The following SGCD variants were observed in gnomAD, a reference collection of about 807,000 sequenced individuals.
SGCD encodes sarcoglycan delta, also known as delta-sarcoglycan.
In SGCD, 18 loss-of-function variants were observed where a neutral mutation model predicts 36.6. The observed-to-expected ratio is 0.49, with a 90% confidence interval of 0.34 to 0.73. The LOEUF is 0.73. SGCD is among the 30% of genes least tolerant of loss of function. SGCD has a pLI of 0.01. For missense variants in SGCD, 387 were observed against 346.7 expected (o/e 1.12, Z -0.92); for synonymous variants, 133 against 130.6 (o/e 1.02, Z -0.12).
intron 3 of SGCD, chr5:156,458,602 T>A (rs1271986294): frequency 1.4e-5 from 10 of 699,538 alleles, no homozygotes; most frequent in Non-Finnish European, 2.5e-5. Context: ...AAACCTCAGA[T>A]TTTTATTTGT....
chr5:156,223,448 A>G (rs541308798), intron 3 of SGCD, among the ~76,000 whole-genome samples: 1 of 152,266 alleles, frequency 6.6e-6, no homozygotes, highest in South Asian at 2.1e-4. Context: ...ACTGATTTAC[A>G]ATGGAGAATA....
chr5:156,256,585 C>A (rs1048524239), intron 3 of SGCD, among the ~76,000 whole-genome samples: 3 of 152,142 alleles, frequency 2.0e-5, no homozygotes, highest in Non-Finnish European at 4.4e-5. Flanking sequence ...ATATTTGGTT[C>A]ATTTCCCGTT....
the SGCD span, among the ~76,000 whole-genome samples, chr5:155,781,160 A>G: frequency 6.6e-6 from 1 of 152,234 alleles, no homozygotes; most frequent in Non-Finnish European, 1.5e-5. Flanking sequence ...CCTAAAAGTC[A>G]AGAAGCAGTT....
chr5:156,403,796 A>C (rs1454483180), intron 3 of SGCD, among the ~76,000 whole-genome samples: 1 of 152,028 alleles, frequency 6.6e-6, no homozygotes, highest in Non-Finnish European at 1.5e-5. Flanking sequence ...AAGATAGAAA[A>C]GAACTTGGGA....
intron 3 of SGCD, among the ~76,000 whole-genome samples, chr5:156,221,994 G>A (rs1394352265): frequency 4.6e-5 from 7 of 152,112 alleles, no homozygotes; most frequent in Admixed American, 1.3e-4. Flanking sequence ...TTTGAAGTTT[G>A]TTTACATGAA....
intron 2 of SGCD, among the ~76,000 whole-genome samples, chr5:156,332,377 G>T (rs78000700): frequency 2.0e-5 from 3 of 152,112 alleles, no homozygotes; most frequent in African/African-American, 7.2e-5. Flanking sequence ...GTAATTTCTT[G>T]GGCACAGTGG....
At chr5:155,901,797 T>C (rs1756396824) in intron 1 of SGCD, among the ~76,000 whole-genome samples, 1 of 152,218 alleles carries the variant, frequency 6.6e-6, no homozygotes, top group African/African-American at 2.4e-5. Context: ...ATGGCTTCCA[T>C]GCCTACTTTA....
chr5:155,924,076 A>C (rs1756945547), intron 1 of SGCD, among the ~76,000 whole-genome samples: 1 of 152,158 alleles, frequency 6.6e-6, no homozygotes, highest in Non-Finnish European at 1.5e-5. Flanking sequence ...CAAAAAATAA[A>C]TACTTCAACT....
intron 2 of SGCD, among the ~76,000 whole-genome samples, chr5:156,330,043 TC>T (rs1245651476): frequency 7.6e-6 from 1 of 131,716 alleles, no homozygotes; most frequent in African/African-American, 3.0e-5. Context: ...AAAAAAAATC[TC>T]CAAGGGCACA....
rs180937027 is a variant in SGCD, at chr5:156,425,047, C to T, written c.192+80370C>T. On this transcript the variant is annotated intron_variant, in intron 3 of 8. Transcript: ENST00000337851. ...GAATAGCTTGCCATTTTTATCCTTT[C>T]TGAGAATGCTGAGAAACTTTCCAAA... Among the ~76,000 whole-genome samples the T allele has an allele frequency of 2.7e-3, 404 of 152,122 alleles. 2 individuals are homozygous for T. The highest frequency in any genetic ancestry group is 9.2e-3 in the African/African-American group (382 of 41,512).
At chr5:155,815,309 A>G in the SGCD span, among the ~76,000 whole-genome samples, 1 of 152,332 alleles carries the variant, frequency 6.6e-6, no homozygotes, top group East Asian at 1.9e-4. Context: ...AAGTTTGACT[A>G]ATTATTACTC....
At chr5:156,377,149 C>G (rs1770716650) in intron 3 of SGCD, among the ~76,000 whole-genome samples, 1 of 152,086 alleles carries the variant, frequency 6.6e-6, no homozygotes, top group Non-Finnish European at 1.5e-5. Context: ...GAACTTAATA[C>G]TTACTATTTA....
At chr5:156,039,042 G>A (rs1759570644) in intron 1 of SGCD, among the ~76,000 whole-genome samples, 2 of 151,966 alleles carry the variant, frequency 1.3e-5, no homozygotes, top group South Asian at 2.1e-4. Context: ...TCCTGCCTCA[G>A]GAGCTTTTTA....
At chr5:156,131,309 A>G (rs1762316947) in intron 3 of SGCD, among the ~76,000 whole-genome samples, 2 of 152,220 alleles carry the variant, frequency 1.3e-5, no homozygotes, top group South Asian at 2.1e-4. Context: ...TTCTGGGTGT[A>G]TGACCAATGA....
intron 1 of SGCD, among the ~76,000 whole-genome samples, chr5:155,896,358 T>C (rs1231501099): frequency 6.6e-6 from 1 of 151,794 alleles, no homozygotes. Flanking sequence ...CCCAGCACTT[T>C]GGGAGGCTGA....
chr5:155,972,139 CT>C, intron 1 of SGCD, among the ~76,000 whole-genome samples: 1 of 152,186 alleles, frequency 6.6e-6, no homozygotes. Context: ...GTCATTAAGT[CT>C]TTTAAGAATA....
chr5:155,771,702 C>A, the SGCD span, among the ~76,000 whole-genome samples: 1 of 152,052 alleles, frequency 6.6e-6, no homozygotes, highest in Non-Finnish European at 1.5e-5. Flanking sequence ...GGATTACAGG[C>A]TTAAGCCACT....
chr5:156,468,252 G>T (rs1191360242), intron 3 of SGCD, among the ~76,000 whole-genome samples: 6 of 149,960 alleles, frequency 4.0e-5, no homozygotes, highest in Non-Finnish European at 8.9e-5. Context: ...AAGGTGGGAG[G>T]ATCACATGAG....
the SGCD span, among the ~76,000 whole-genome samples, chr5:155,797,669 C>T: frequency 6.6e-6 from 1 of 152,168 alleles, no homozygotes; most frequent in Non-Finnish European, 1.5e-5. Context: ...GCTCAAACTA[C>T]TGTGACTCTA....
Sources: gnomAD v4.1 joint callset for allele counts (sites outside exome capture counted in the v4.1 genomes callset) on GRCh38, gnomAD v4.1.1 for gene constraint, MANE v1.5 for transcripts, NCBI Gene and HGNC (gene_info 2026-07-23, HGNC 2026-07-21) for gene names.